THNSL1: variants seen among roughly 807,000 people sequenced by gnomAD.
The protein encoded by THNSL1 is threonine synthase like 1, also known as threonine synthase-like 1.
In THNSL1, 48 loss-of-function variants were observed where a neutral mutation model predicts 50.4. That is an observed-to-expected ratio of 0.95 (90% CI 0.76 to 1.21). THNSL1 has a LOEUF of 1.21. Ranked by LOEUF, THNSL1 falls within the 50% of genes most tolerant of loss-of-function variation. The probability of loss-of-function intolerance (pLI) is 0.00; values close to 1 mark genes in which losing one functional copy is unlikely to be tolerated. For missense variants in THNSL1, 896 were observed against 871.7 expected (o/e 1.03, Z -0.35); for synonymous variants, 309 against 306.1 (o/e 1.01, Z -0.10).
the THNSL1 span, among the ~76,000 whole-genome samples, chr10:24,957,379 C>A: frequency 1.3e-3 from 205 of 152,212 alleles, 3 homozygotes; most frequent in Admixed American, 0.013. Flanking sequence ...TTGCCTGGAC[C>A]AATGTCATGA....
the THNSL1 span, among the ~76,000 whole-genome samples, chr10:25,010,510 T>C: frequency 6.6e-6 from 1 of 151,860 alleles, no homozygotes; most frequent in Non-Finnish European, 1.5e-5. Flanking sequence ...TAGTTACATA[T>C]GTATACATGT....
chr10:24,988,484 G>A, the THNSL1 span, among the ~76,000 whole-genome samples: 28 of 144,600 alleles, frequency 1.9e-4, no homozygotes, highest in South Asian at 4.3e-4. Context: ...TATAAAATAC[G>A]TATAAATAGA....
the THNSL1 span, among the ~76,000 whole-genome samples, chr10:24,957,637 C>T: frequency 6.6e-6 from 1 of 152,234 alleles, no homozygotes; most frequent in East Asian, 1.9e-4. Flanking sequence ...CCCACCACCA[C>T]GCCCGGCTAA....
At chr10:24,980,922 C>T in the THNSL1 span, among the ~76,000 whole-genome samples, 71,748 of 151,466 alleles carry the variant, frequency 0.47, 17,839 homozygotes, top group African/African-American at 0.64. Flanking sequence ...TGTTTCACCA[C>T]GTTGGCCAGG....
the THNSL1 span, among the ~76,000 whole-genome samples, chr10:24,965,504 T>C: frequency 6.6e-6 from 1 of 152,244 alleles, no homozygotes; most frequent in Non-Finnish European, 1.5e-5. Context: ...CTCTGTCAAT[T>C]TCTTACTACT....
chr10:25,007,219 T>C, the THNSL1 span, among the ~76,000 whole-genome samples: 1 of 152,194 alleles, frequency 6.6e-6, no homozygotes, highest in Non-Finnish European at 1.5e-5. Flanking sequence ...TTGCTTAAGA[T>C]ATTAAACCTT....
chr10:24,984,589 T>G, the THNSL1 span: 2 of 1,030,852 alleles, frequency 1.9e-6, no homozygotes, highest in South Asian at 3.6e-5. Flanking sequence ...ACTCAATTAT[T>G]CTTTGCATAT....
the THNSL1 span, among the ~76,000 whole-genome samples, chr10:25,003,327 C>T: frequency 1.3e-5 from 2 of 152,148 alleles, no homozygotes; most frequent in Non-Finnish European, 2.9e-5. Context: ...ATGCCTCTGC[C>T]TCCTGAGTAG....
chr10:25,002,681 G>C, the THNSL1 span, among the ~76,000 whole-genome samples: 3 of 152,072 alleles, frequency 2.0e-5, no homozygotes, highest in Non-Finnish European at 2.9e-5. Flanking sequence ...GTAACAACTT[G>C]TATTATCTTC....
rs1850856006 is a variant in THNSL1, at chr10:25,026,527, T to C, written c.*1072T>C. The C allele has an allele frequency of 6.0e-6, 1 of 166,966 alleles. No homozygotes were observed. Among genetic ancestry groups the C allele is most frequent in the Non-Finnish European group, 1.5e-5 (1 of 68,122 alleles). The allele number at this position is 166,966 out of a possible 1,614,324, so 10.3% of individuals were successfully genotyped here. Reference sequence around the variant, plus strand: ...TTTATTTCTTCAGTGAACATTGTCTTTTTCTGGCAGCTGAAACTGCACACA... The same window carrying C: ...TTTATTTCTTCAGTGAACATTGTCTCTTTCTGGCAGCTGAAACTGCACACA... On this transcript the variant is annotated 3_prime_UTR_variant, in exon 3 of 3. Transcript: ENST00000376356.
At chr10:24,967,300 T>C in the THNSL1 span, among the ~76,000 whole-genome samples, 5 of 152,300 alleles carry the variant, frequency 3.3e-5, no homozygotes, top group South Asian at 6.2e-4. Flanking sequence ...CTCTACATAG[T>C]GAAACCGTGT....
chr10:24,978,945 C>T, the THNSL1 span, among the ~76,000 whole-genome samples: 3 of 152,336 alleles, frequency 2.0e-5, no homozygotes, highest in South Asian at 4.1e-4. Flanking sequence ...AACTTGCTGT[C>T]AGTCAGACCT....
At chr10:24,991,599 G>A in the THNSL1 span, among the ~76,000 whole-genome samples, 4 of 152,124 alleles carry the variant, frequency 2.6e-5, no homozygotes, top group African/African-American at 4.8e-5. Context: ...AGGAGAGCCC[G>A]GGCCACAGAG....
chr10:25,024,903 T>C lies in THNSL1; in HGVS notation c.1680T>C (p.Phe560=). The C allele has an allele frequency of 5.0e-6, 8 of 1,613,844 alleles. No individual in the cohort carries two copies. Among genetic ancestry groups the C allele is most frequent in the Non-Finnish European group, 5.9e-6 (7 of 1,179,992 alleles). ...GGGAAAGAAAACTAGCACAAACCTT[T>C]TCACCGTCAATAGATATTCTCAAAT... ...DLRERKLAQT[F]SPSIDILKSS... is the part of the protein sequence containing the mutation. Residue 560 remains phenylalanine, a synonymous_variant, in exon 3 of 3, where the codon TTT becomes TTC. Coordinates refer to ENST00000376356, the MANE Select transcript of THNSL1 (RefSeq NM_024838.5).
the THNSL1 span, among the ~76,000 whole-genome samples, chr10:24,998,751 G>A: frequency 4.0e-5 from 6 of 151,810 alleles, no homozygotes; most frequent in Admixed American, 3.9e-4. Flanking sequence ...CTCCATAACT[G>A]GGATCAAGTA....
At chr10:25,007,797 G>A in the THNSL1 span, among the ~76,000 whole-genome samples, 1 of 151,944 alleles carries the variant, frequency 6.6e-6, no homozygotes, top group Admixed American at 6.6e-5. Context: ...AAATGCATAT[G>A]GAAGCCACAA....
the THNSL1 span, among the ~76,000 whole-genome samples, chr10:24,979,129 T>G: frequency 2.0e-5 from 3 of 152,218 alleles, no homozygotes; most frequent in Admixed American, 6.5e-5. Context: ...AATTAGGTTG[T>G]TCTCTTGAGA....
chr10:24,978,414 C>T, the THNSL1 span, among the ~76,000 whole-genome samples: 1 of 150,968 alleles, frequency 6.6e-6, no homozygotes. Flanking sequence ...ATCCTTCTCC[C>T]TCTCTCCTCT....
chr10:24,976,352 A>G, the THNSL1 span, among the ~76,000 whole-genome samples: 2 of 152,192 alleles, frequency 1.3e-5, no homozygotes, highest in African/African-American at 4.8e-5. Context: ...AAACATAGGA[A>G]GCAGCAAACC....
Sources: allele counts gnomAD v4.1 joint callset (sites outside exome capture counted in the v4.1 genomes callset), GRCh38; gene constraint gnomAD v4.1.1; transcripts MANE v1.5; gene names NCBI Gene and HGNC (gene_info 2026-07-23, HGNC 2026-07-21).